The following USP4 variants were observed in gnomAD, a reference collection of about 807,000 sequenced individuals.
USP4 encodes ubiquitin specific peptidase 4.
A neutral mutation model predicts 118.2 loss-of-function variants in USP4; 72 were observed. That is an observed-to-expected ratio of 0.61 (90% confidence interval 0.50 to 0.74). The LOEUF (loss-of-function observed/expected upper bound fraction) is 0.74. Ranked by LOEUF, USP4 falls within the 30% of genes least tolerant of loss-of-function variation. The pLI, the probability that USP4 is intolerant of heterozygous loss-of-function variation, is 0.00. For synonymous variants in USP4, 415 were observed against 440.4 expected, an observed-to-expected ratio of 0.94 and a Z score of 0.72; for missense variants, 1,037 against 1,185.7, an observed-to-expected ratio of 0.87 and a Z score of 1.84.
intron 11 of USP4, among the ~76,000 whole-genome samples, chr3:49,298,987 G>A (rs2107778101): frequency 6.6e-6 from 1 of 152,150 alleles, no homozygotes; most frequent in African/African-American, 2.4e-5. Context: ...GTAGAGACAG[G>A]GTCTCAAACT....
At chr3:49,281,000 C>G (rs2047017744) in intron 19 of USP4, among the ~76,000 whole-genome samples, 153 bp from the exon 20 acceptor site, 2 of 152,216 alleles carry the variant, frequency 1.3e-5, no homozygotes, top group Middle Eastern at 3.2e-3. Flanking sequence ...ACTCTAGGAT[C>G]CATGTTCTGA....
intron 13 of USP4, 45 bp downstream of exon 13, chr3:49,297,825 T>C (rs775007991): frequency 6.9e-7 from 1 of 1,458,728 alleles, no homozygotes; most frequent in Admixed American, 1.7e-5. Flanking sequence ...GTCTCTAGAA[T>C]GTGTCCTCTG....
intron 19 of USP4, among the ~76,000 whole-genome samples, chr3:49,283,217 T>C (rs111670071): frequency 2.6e-5 from 4 of 151,838 alleles, no homozygotes; most frequent in African/African-American, 7.3e-5. Flanking sequence ...GGTTTCACCA[T>C]GTTGGCCAGG....
At chr3:49,284,702 A>G (rs1218738856) in intron 17 of USP4, 118 bp from the exon 18 acceptor site, 5 of 1,237,888 alleles carry the variant, frequency 4.0e-6, no homozygotes, top group Non-Finnish European at 5.8e-6. Context: ...GCCTCTGAAT[A>G]TAAAATGACA....
In USP4 at chr3:49,295,115, C is replaced by A. The variant is rs554186418; in HGVS notation, c.1692-517G>T. On this transcript the variant is annotated intron_variant, in intron 13 of 21. Transcript: ENST00000265560. Reference sequence around the variant, plus strand: ...CCATCCTGGCTAACACGGTGAAACCCCATCTCTTCTAAAAATACAAACAAT... The same window carrying A: ...CCATCCTGGCTAACACGGTGAAACCACATCTCTTCTAAAAATACAAACAAT... Among the ~76,000 whole-genome samples, 13 of 151,974 alleles carry A rather than the reference C, an allele frequency of 8.6e-5. No homozygotes were observed. In the South Asian group the frequency reaches 2.7e-3, roughly 32 times the overall value.
chr3:49,311,677 A>G, intron 6 of USP4, 23 bp from the exon 7 acceptor site: 4 of 1,612,086 alleles, frequency 2.5e-6, no homozygotes, highest in Non-Finnish European at 3.4e-6. Context: ...AGCAGAAACA[A>G]TGCTACTGAC....
intron 6 of USP4, among the ~76,000 whole-genome samples, chr3:49,319,841 C>T (rs2047481200): frequency 6.6e-6 from 1 of 151,920 alleles, no homozygotes; most frequent in Non-Finnish European, 1.5e-5. Context: ...GTCTTGAACT[C>T]CTGACCTCAA....
intron 16 of USP4, 88 bp downstream of exon 16, chr3:49,286,010 C>A (rs1379836996): frequency 1.6e-6 from 2 of 1,277,366 alleles, no homozygotes; most frequent in Non-Finnish European, 2.2e-6. Flanking sequence ...ACTGTGAAAG[C>A]CCAATGCAGT....
chr3:49,290,226 C>T (rs1162625804), intron 15 of USP4, among the ~76,000 whole-genome samples: 1 of 152,128 alleles, frequency 6.6e-6, no homozygotes, highest in African/African-American at 2.4e-5. Flanking sequence ...ACCAGACTCG[C>T]CATGATGGAG....
At chr3:49,283,286 T>A (rs1269538602) in intron 19 of USP4, among the ~76,000 whole-genome samples, 1 of 152,058 alleles carries the variant, frequency 6.6e-6, no homozygotes, top group Non-Finnish European at 1.5e-5. Context: ...AGTGCTGGGA[T>A]TACAAGCATG....
chr3:49,328,585 C>T (rs185604195), intron 2 of USP4, among the ~76,000 whole-genome samples: 93 of 152,132 alleles, frequency 6.1e-4, no homozygotes, highest in Middle Eastern at 3.4e-3. Context: ...TCAGGCCGGG[C>T]ATGTTGGCTC....
At chr3:49,289,111 C>T (rs1422173289) in intron 15 of USP4, among the ~76,000 whole-genome samples, 1 of 151,924 alleles carries the variant, frequency 6.6e-6, no homozygotes, top group Non-Finnish European at 1.5e-5. Context: ...AGAAAACAAA[C>T]AAACAAAAAA....
intron 14 of USP4, among the ~76,000 whole-genome samples, chr3:49,293,891 T>C (rs1405172838): frequency 6.6e-6 from 1 of 151,744 alleles, no homozygotes; most frequent in Non-Finnish European, 1.5e-5. Context: ...AGGACTGGAC[T>C]CCTAGGATCA....
At chr3:49,327,311 G>A (rs1423846267) in intron 3 of USP4, among the ~76,000 whole-genome samples, 1 of 152,148 alleles carries the variant, frequency 6.6e-6, no homozygotes, top group Non-Finnish European at 1.5e-5. Flanking sequence ...GCCGAGTCGG[G>A]CGGATCACAA....
intron 2 of USP4, among the ~76,000 whole-genome samples, chr3:49,328,732 T>C (rs2047582766): frequency 1.3e-5 from 2 of 149,208 alleles, no homozygotes; most frequent in Non-Finnish European, 3.0e-5. Flanking sequence ...TGGTGATGCA[T>C]GCCTGTAGTC....
intron 8 of USP4, among the ~76,000 whole-genome samples, chr3:49,306,529 C>T (rs1299599085): frequency 4.0e-5 from 6 of 151,652 alleles, no homozygotes; most frequent in Admixed American, 2.6e-4. Flanking sequence ...GTTCTTAACG[C>T]TATTAGTTCT....
In USP4 at chr3:49,284,602, C is replaced by T; in HGVS notation, c.2272-18G>A. On this transcript the variant is annotated intron_variant, in intron 17 of 21. Transcript: ENST00000265560. The stretch of plus-strand genomic sequence containing the variant: ...TCGTAGGCCTATGGGAATCAAAGCA[C>T]TCAGTTCTGCTGGAGAAAGAGATCT... 1.2e-6 allele frequency: 2 copies of T among 1,604,884 alleles called. No homozygotes were observed. Among genetic ancestry groups the T allele is most frequent in the Non-Finnish European group, 1.7e-6 (2 of 1,172,080 alleles).
intron 6 of USP4, chr3:49,311,917 C>T (rs1436914647): frequency 1.4e-5 from 16 of 1,150,948 alleles, no homozygotes; most frequent in Non-Finnish European, 1.5e-5. Flanking sequence ...CGCAGTGGCT[C>T]GTGCCTGTAA....
intron 8 of USP4, among the ~76,000 whole-genome samples, chr3:49,308,472 A>G (rs2047344552): frequency 6.6e-6 from 1 of 151,902 alleles, no homozygotes; most frequent in South Asian, 2.1e-4. Context: ...GGCGCCCGCC[A>G]CCATGCCCAG....
Sources: allele counts gnomAD v4.1 joint callset (sites outside exome capture counted in the v4.1 genomes callset), GRCh38; gene constraint gnomAD v4.1.1; transcripts MANE v1.5; gene names NCBI Gene and HGNC (gene_info 2026-07-23, HGNC 2026-07-21).